Variants in DCLRE1A observed in about 807,000 individuals in gnomAD.
DCLRE1A encodes DNA cross-link repair 1A, also known as DNA cross-link repair 1A protein.
DCLRE1A carries 64 observed loss-of-function variants against 91.9 expected under a neutral mutation model. That is an observed-to-expected ratio of 0.70 (90% CI 0.57 to 0.86). The LOEUF is 0.86. Among genes scored for constraint, DCLRE1A ranks in the 40% least tolerant of loss-of-function variants. The pLI, the probability that DCLRE1A is intolerant of heterozygous loss-of-function variation, is 0.00. For missense variants in DCLRE1A, 1,145 were observed against 1,213.3 expected (o/e 0.94, Z 0.84); for synonymous variants, 416 against 431.1 (o/e 0.96, Z 0.43).
rs748599993 is a variant in DCLRE1A, at chr10:113,850,364, CT to C, written c.740del (p.Lys247ArgfsTer24). On this transcript the variant is annotated frameshift_variant, in exon 2 of 9. Coordinates refer to ENST00000361384, the MANE Select transcript of DCLRE1A (RefSeq NM_014881.5). LOFTEE classifies it high-confidence loss of function. ...GGGATGTTTGGATATGAGTAGAAATCTTTTCACTGGCTTCAGTCAGAGACGG... is the reference window on the plus strand; with the variant it reads ...GGGATGTTTGGATATGAGTAGAAATCTTTCACTGGCTTCAGTCAGAGACGG... ...KSPSLTEASE[K>X]ISTHIQTSQQ... 1 of 1,614,208 alleles carries C rather than the reference CT, an allele frequency of 6.2e-7. No individual in the cohort carries two copies. Among genetic ancestry groups the C allele is most frequent in the Non-Finnish European group, 8.5e-7 (1 of 1,180,042 alleles).
chr10:113,845,631 G>A, intron 4 of DCLRE1A, 54 bp downstream of exon 4: 1 of 1,329,742 alleles, frequency 7.5e-7, no homozygotes, highest in Non-Finnish European at 1.1e-6. Flanking sequence ...ATGCCAATGT[G>A]TTGTCCTTTT....
chr10:113,843,023 TACAC>T (rs10527278), intron 5 of DCLRE1A, among the ~76,000 whole-genome samples: 46,788 of 145,672 alleles, frequency 0.32, 7,540 homozygotes, highest in Admixed American at 0.4. Flanking sequence ...TGTACATGTG[TACAC>T]ACACACACAC....
chr10:113,839,172 A>C (rs1423411833), intron 7 of DCLRE1A, among the ~76,000 whole-genome samples: 1 of 151,980 alleles, frequency 6.6e-6, no homozygotes, highest in Non-Finnish European at 1.5e-5. Context: ...AAAAATAGAA[A>C]AAATTAGCTG....
rs1164493979 is a variant in DCLRE1A, at chr10:113,852,738, G to A, written c.445C>T (p.Pro149Ser). 9 of 1,613,824 alleles carry A rather than the reference G, an allele frequency of 5.6e-6. No homozygotes were observed. Among genetic ancestry groups the A allele is most frequent in the Non-Finnish European group, 7.6e-6 (9 of 1,179,880 alleles). ...WHVFECLDSP[P>S]RSETECPDGL... ...GCAGTCTTACCTGTTTCAGAGCGTG[G>A]TGGAGAATCCAAACATTCAAAAACA... The change falls in exon 1 of 9, where the codon CCA (proline) becomes TCA (serine). Residue 149 changes from proline to serine, a missense_variant. Coordinates refer to ENST00000361384, the MANE Select transcript of DCLRE1A (RefSeq NM_014881.5).
At chr10:113,844,706 C>T (rs184977225) in intron 4 of DCLRE1A, among the ~76,000 whole-genome samples, 8 of 152,246 alleles carry the variant, frequency 5.3e-5, no homozygotes, top group Admixed American at 3.9e-4. Flanking sequence ...GAGGCCGAAG[C>T]GGGTGTATCA....
In DCLRE1A at chr10:113,849,901, A is replaced by T. The variant is rs774369847; in HGVS notation, c.1204T>A (p.Cys402Ser). 1.6e-5 allele frequency: 26 copies of T among 1,613,856 alleles called. No individual in the cohort carries two copies. The highest frequency in any genetic ancestry group is 2.1e-5 in the Non-Finnish European group (25 of 1,180,006). The change falls in exon 2 of 9, where the codon TGT (cysteine) becomes AGT (serine). Residue 402 changes from cysteine to serine, a missense_variant. Physicochemically the swap from Cys to Ser is moderately radical, Grantham distance 112. Transcript: ENST00000361384. ...NESTLPYDLA[C>S]TGGDFVLFPP... ...AACAACACAAAATCACCACCAGTACATGCCAGATCATAAGGCAAAGTACTC... is the reference window on the plus strand; with the variant it reads ...AACAACACAAAATCACCACCAGTACTTGCCAGATCATAAGGCAAAGTACTC...
rs17235157 is a variant in DCLRE1A, at chr10:113,847,004, T to G, written c.2259+198A>C. On this transcript the variant is annotated intron_variant, in intron 3 of 8. Coordinates refer to ENST00000361384, the MANE Select transcript of DCLRE1A (RefSeq NM_014881.5). ...AAATAGTTTATCTTTTGTTTCCATG[T>G]AATAAGACAGATGTTTTCTAAAAAC... 7.9e-5 allele frequency among the ~76,000 whole-genome samples: 12 copies of G among 152,338 alleles called. No individual in the cohort carries two copies. In the East Asian group the frequency reaches 1.7e-3, roughly 22 times the overall value.
At chr10:113,846,792 AT>A (rs1248044189) in intron 3 of DCLRE1A, among the ~76,000 whole-genome samples, 1 of 152,154 alleles carries the variant, frequency 6.6e-6, no homozygotes, top group African/African-American at 2.4e-5. Flanking sequence ...GTTATACTAT[AT>A]TTTTTAATTT....
intron 7 of DCLRE1A, among the ~76,000 whole-genome samples, chr10:113,837,747 T>A (rs1396907623): frequency 6.6e-6 from 1 of 152,218 alleles, no homozygotes; most frequent in Middle Eastern, 3.2e-3. Context: ...TTTAAAACTT[T>A]TCATACCACT....
In DCLRE1A at chr10:113,841,516, T is replaced by G. The variant is rs767442640; in HGVS notation, c.2710A>C (p.Lys904Gln). 9.4e-5 allele frequency: 152 copies of G among 1,612,834 alleles called. No individual in the cohort carries two copies. The highest frequency in any genetic ancestry group is 1.2e-4 in the Non-Finnish European group (145 of 1,179,498). Reference protein sequence around the residue: ...LGSKVGMSQEKYKTLQCLNIP... With the variant: ...LGSKVGMSQEQYKTLQCLNIP... Reference sequence around the variant, plus strand: ...TTGAGGCACTGTAGAGTTTTATATTTTTCCTGGGACATGCCCACTTTTGAA... The same window carrying G: ...TTGAGGCACTGTAGAGTTTTATATTGTTCCTGGGACATGCCCACTTTTGAA... Residue 904 changes from lysine (K) to glutamine (Q), a missense_variant, in exon 7 of 9, where the codon AAA (lysine) becomes CAA (glutamine). Transcript: ENST00000361384.
rs763817842 is a variant in DCLRE1A at position 113,842,434 on chromosome 10, G to A, written c.2574C>T (p.Ala858=). The change falls in exon 6 of 9, where the codon GCC becomes GCT. Residue 858 remains alanine (A), a synonymous_variant. Coordinates refer to ENST00000361384, the MANE Select transcript of DCLRE1A (RefSeq NM_014881.5). ...FPSQQEVIRF[A]INTAFEAVTL... is the part of the protein sequence containing the mutation. ...TTACAGCCTCAAAGGCAGTGTTGAT[G>A]GCAAACCGGATAACCTCTTGCTGAG... 4 of 1,613,780 alleles carry A rather than the reference G, an allele frequency of 2.5e-6. No individual in the cohort carries two copies. Among genetic ancestry groups the A allele is most frequent in the Non-Finnish European group, 1.7e-6 (2 of 1,179,848 alleles).
At chr10:113,842,898 G>C (rs1845468835) in intron 5 of DCLRE1A, among the ~76,000 whole-genome samples, 1 of 152,028 alleles carries the variant, frequency 6.6e-6, no homozygotes, top group Non-Finnish European at 1.5e-5. Context: ...AATGATTAAA[G>C]TAATGAAACT....
At chr10:113,848,869 AAC>A (rs1205887278) in intron 2 of DCLRE1A, 109 bp downstream of exon 2, 1 of 1,021,750 alleles carries the variant, frequency 9.8e-7, no homozygotes, top group Non-Finnish European at 1.4e-6. Flanking sequence ...AAGCAAAGGA[AAC>A]ACATACAAAA....
chr10:113,849,612 T>C lies in DCLRE1A; in HGVS notation c.1493A>G (p.Asn498Ser). Residue 498 changes from asparagine (N) to serine (S), a missense_variant, in exon 2 of 9, where the codon AAT becomes AGT. Coordinates refer to ENST00000361384, the MANE Select transcript of DCLRE1A (RefSeq NM_014881.5). ...GCAGAAACATGCTGAGTTAGTATTA[T>C]TCTTAGCATTCAAGTTCTCACTTGA... Reference protein sequence around the residue: ...KLSSENLNAKNNTNSACFCRK... With the variant: ...KLSSENLNAKSNTNSACFCRK... 1.2e-6 allele frequency: 2 copies of C among 1,614,130 alleles called. No homozygotes were observed. The highest frequency in any genetic ancestry group is 1.7e-6 in the Non-Finnish European group (2 of 1,180,022).
At chr10:113,840,307 AAC>A (rs1266691140) in intron 7 of DCLRE1A, among the ~76,000 whole-genome samples, 41 of 151,562 alleles carry the variant, frequency 2.7e-4, no homozygotes, top group African/African-American at 9.9e-4. Flanking sequence ...AAAAAAAAAA[AAC>A]AACAAAAAAA....
chr10:113,849,599 T>G lies in DCLRE1A; in HGVS notation c.1506A>C (p.Ser502=). ...CTAATGCCTTTCTGCAGAAACATGCTGAGTTAGTATTATTCTTAGCATTCA... is the reference window on the plus strand; with the variant it reads ...CTAATGCCTTTCTGCAGAAACATGCGGAGTTAGTATTATTCTTAGCATTCA... ...ENLNAKNNTN[S]ACFCRKALEG... is the part of the protein sequence containing the mutation. The change falls in exon 2 of 9, where the codon TCA becomes TCC. Residue 502 remains serine (S), a synonymous_variant. Coordinates refer to ENST00000361384, the MANE Select transcript of DCLRE1A (RefSeq NM_014881.5). 1 of 1,614,052 alleles carries G rather than the reference T, an allele frequency of 6.2e-7. No individual in the cohort carries two copies. The highest frequency in any genetic ancestry group is 1.1e-5 in the South Asian group (1 of 91,074).
Position 113,847,220 on chromosome 10 carries a change from A to T in DCLRE1A, c.2241T>A (p.Phe747Leu), listed in dbSNP as rs1193600797. The change falls in exon 3 of 9, where the codon TTT (phenylalanine) becomes TTA (leucine). Residue 747 changes from phenylalanine (F) to leucine (L), a missense_variant. Physicochemically the swap from Phe to Leu is conservative, Grantham distance 22. Transcript: ENST00000361384. ...HYAGLSKHFTFPVYCSEITGN... is the reference protein window; with the variant it reads ...HYAGLSKHFTLPVYCSEITGN... ...AACTTACCTCACTACAATAAACTGG[A>T]AATGTGAAGTGTTTAGACAATCCAG... The T allele has an allele frequency of 6.2e-7, 1 of 1,608,716 alleles. No homozygotes were observed. Among genetic ancestry groups the T allele is most frequent in the Non-Finnish European group, 8.5e-7 (1 of 1,176,688 alleles).
chr10:113,849,280 C>T lies in DCLRE1A; in HGVS notation c.1825G>A (p.Asp609Asn). Residue 609 changes from aspartate (D) to asparagine (N), a missense_variant, in exon 2 of 9, where the codon GAT (aspartate) becomes AAT (asparagine). Transcript: ENST00000361384. ...CKRKAEKSLS[D>N]LEFDASTLHE... ...AAAGTACTTGCATCAAATTCTAAAT[C>T]ACTTAAAGATTTTTCTGCTTTCCTC... 6.2e-7 allele frequency: 1 copy of T among 1,614,160 alleles called. No individual in the cohort carries two copies.
At chr10:113,848,052 G>A (rs1380025394) in intron 2 of DCLRE1A, among the ~76,000 whole-genome samples, 1 of 152,170 alleles carries the variant, frequency 6.6e-6, no homozygotes, top group East Asian at 1.9e-4. Context: ...GGTGGCTCAC[G>A]CCCGTAATCC....
Sources: allele counts gnomAD v4.1 joint callset (sites outside exome capture counted in the v4.1 genomes callset), GRCh38; gene constraint gnomAD v4.1.1; transcripts MANE v1.5; gene names NCBI Gene and HGNC (gene_info 2026-07-23, HGNC 2026-07-21).